TENM2: variants seen among roughly 807,000 people sequenced by gnomAD.
The protein encoded by TENM2 is teneurin transmembrane protein 2.
In TENM2, 52 loss-of-function variants were observed where a neutral mutation model predicts 245.2. That is an observed-to-expected ratio of 0.21 (90% confidence interval 0.17 to 0.27). The LOEUF (loss-of-function observed/expected upper bound fraction) is 0.27, where lower values mean the gene tolerates loss of function less well. TENM2 is among the 10% of genes least tolerant of loss of function. TENM2 has a pLI of 1.00. For synonymous variants in TENM2, 1,363 were observed against 1,438.9 expected, an observed-to-expected ratio of 0.95 and a Z score of 1.19; for missense variants, 3,046 against 3,666.8, an observed-to-expected ratio of 0.83 and a Z score of 4.37.
At chr5:168,228,842 A>G (rs982226633) in intron 25 of TENM2, among the ~76,000 whole-genome samples, 6 of 149,150 alleles carry the variant, frequency 4.0e-5, no homozygotes, top group African/African-American at 7.3e-5. Flanking sequence ...AAACCAATAT[A>G]TAACATTAAT....
In TENM2 at chr5:167,451,672, G is replaced by C. The variant is rs576743526; in HGVS notation, c.502+76199G>C. Among the ~76,000 whole-genome samples the C allele has an allele frequency of 1.1e-4, 16 of 151,314 alleles. No individual in the cohort carries two copies. The Middle Eastern group carries it at 0.01, about 97-fold the overall frequency. ...TGATTTTTTTTTTTTTTCTTGAGAC[G>C]GAGTCTCGCTCTGTCACCCAGGCTG... is the stretch of plus-strand genomic sequence containing the variant. On this transcript the variant is annotated intron_variant, in intron 2 of 28. Coordinates refer to ENST00000518659, the Ensembl canonical transcript of TENM2.
At chr5:167,217,337 A>G in the TENM2 span, among the ~76,000 whole-genome samples, 2 of 152,174 alleles carry the variant, frequency 1.3e-5, no homozygotes, top group African/African-American at 4.8e-5. Flanking sequence ...ATTATTATTA[A>G]AAAAAGAATT....
chr5:167,638,125 G>C (rs1203257182), intron 2 of TENM2, among the ~76,000 whole-genome samples: 1 of 149,762 alleles, frequency 6.7e-6, no homozygotes, highest in Non-Finnish European at 1.5e-5. Flanking sequence ...GTGTGTGTGT[G>C]TGTGTGTGTG....
chr5:167,220,702 A>T, the TENM2 span, among the ~76,000 whole-genome samples: 1 of 152,180 alleles, frequency 6.6e-6, no homozygotes, highest in African/African-American at 2.4e-5. Flanking sequence ...GGCAAATTAC[A>T]TCATCTCTTG....
At chr5:167,606,755 T>C (rs1777084229) in intron 2 of TENM2, among the ~76,000 whole-genome samples, 1 of 152,212 alleles carries the variant, frequency 6.6e-6, no homozygotes, top group African/African-American at 2.4e-5. Flanking sequence ...TAATTTTACT[T>C]AAAGCCTAAA....
rs190167311 is a variant in TENM2 at position 167,865,846 on chromosome 5, A to C, written c.503-10140A>C. Among the ~76,000 whole-genome samples, 14 of 152,300 alleles carry C rather than the reference A, an allele frequency of 9.2e-5. No homozygotes were observed. The East Asian group carries it at 2.7e-3, about 29-fold the overall frequency. ...CTTACACACTGAGAGAGACACCCAAAACCTAAGACAACAGCCATAGCAGCC... is the reference window on the plus strand; with the variant it reads ...CTTACACACTGAGAGAGACACCCAACACCTAAGACAACAGCCATAGCAGCC... On this transcript the variant is annotated intron_variant, in intron 2 of 28. Coordinates refer to ENST00000518659, the Ensembl canonical transcript of TENM2.
rs144300068 is a variant in TENM2, at chr5:167,383,026, C to G, written c.502+7553C>G. On this transcript the variant is annotated intron_variant, in intron 2 of 28. Coordinates refer to ENST00000518659, the Ensembl canonical transcript of TENM2. The stretch of plus-strand genomic sequence containing the variant: ...GTTGTGTTAATTTGGGGTGGGGGGA[C>G]TTATTTCTGAAAAGATTTCAAGTAA... Among the ~76,000 whole-genome samples the G allele has an allele frequency of 4.2e-3, 642 of 152,020 alleles. 6 individuals carry two copies. Among genetic ancestry groups the G allele is most frequent in the African/African-American group, 0.015 (618 of 41,466 alleles).
At chr5:166,990,988 TAAAAAA>T in the TENM2 span, among the ~76,000 whole-genome samples, 2 of 151,628 alleles carry the variant, frequency 1.3e-5, no homozygotes, top group South Asian at 4.2e-4. Flanking sequence ...TGCATGAAGT[TAAAAAA>T]GAAAGAAAGC....
chr5:167,240,790 C>T, the TENM2 span, among the ~76,000 whole-genome samples: 5 of 152,288 alleles, frequency 3.3e-5, no homozygotes, highest in Non-Finnish European at 7.4e-5. Flanking sequence ...TTCTTTTGTT[C>T]TTAGAACAAG....
At chr5:167,684,369 C>T (rs936076180) in intron 2 of TENM2, among the ~76,000 whole-genome samples, 4 of 152,168 alleles carry the variant, frequency 2.6e-5, no homozygotes, top group African/African-American at 7.2e-5. Flanking sequence ...ATTCTCTGTG[C>T]CTTCAGCATG....
At chr5:167,473,173 A>G (rs1767144822) in intron 2 of TENM2, among the ~76,000 whole-genome samples, 1 of 152,204 alleles carries the variant, frequency 6.6e-6, no homozygotes, top group Admixed American at 6.5e-5. Flanking sequence ...TTATGTACAT[A>G]CCTATGTAGG....
intron 25 of TENM2, among the ~76,000 whole-genome samples, chr5:168,243,066 T>A (rs1253367492): frequency 6.6e-6 from 1 of 152,176 alleles, no homozygotes; most frequent in Non-Finnish European, 1.5e-5. Context: ...ACCAGACATC[T>A]CTCGAGTCTC....
At chr5:167,602,192 G>C (rs551502834) in intron 2 of TENM2, among the ~76,000 whole-genome samples, 2 of 152,162 alleles carry the variant, frequency 1.3e-5, no homozygotes, top group East Asian at 3.9e-4. Flanking sequence ...GAATAATAGA[G>C]CGTTTTCAGA....
the TENM2 span, among the ~76,000 whole-genome samples, chr5:167,250,081 G>A: frequency 6.6e-6 from 1 of 152,166 alleles, no homozygotes; most frequent in African/African-American, 2.4e-5. Context: ...GCCACATGTG[G>A]CCATTAGCAC....
At chr5:167,559,426 A>G (rs1237647883) in intron 2 of TENM2, among the ~76,000 whole-genome samples, 2 of 152,202 alleles carry the variant, frequency 1.3e-5, no homozygotes, top group African/African-American at 4.8e-5. Flanking sequence ...AGAGGCCACA[A>G]CCATTAGTGG....
At chr5:168,020,740 A>C (rs1180462780) in intron 5 of TENM2, among the ~76,000 whole-genome samples, 1 of 151,936 alleles carries the variant, frequency 6.6e-6, no homozygotes, top group Non-Finnish European at 1.5e-5. Context: ...GTGTCTTTGG[A>C]CCCCTTCCAG....
chr5:167,750,473 T>A (rs948106082), intron 2 of TENM2, among the ~76,000 whole-genome samples: 1 of 152,092 alleles, frequency 6.6e-6, no homozygotes, highest in African/African-American at 2.4e-5. Context: ...TTGTGAGCCA[T>A]GTTATAAAGG....
At chr5:167,057,638 G>A in the TENM2 span, among the ~76,000 whole-genome samples, 189 of 152,278 alleles carry the variant, frequency 1.2e-3, no homozygotes, top group Non-Finnish European at 2.4e-3. Flanking sequence ...TGGAAGGCTA[G>A]AGAAAACTGG....
At chr5:168,040,637 C>T (rs1400106570) in intron 5 of TENM2, among the ~76,000 whole-genome samples, 1 of 152,164 alleles carries the variant, frequency 6.6e-6, no homozygotes, top group Non-Finnish European at 1.5e-5. Context: ...TTTTTAAACT[C>T]CTTTTAAGAC....
Sources: gnomAD v4.1 joint callset for allele counts (sites outside exome capture counted in the v4.1 genomes callset) on GRCh38, gnomAD v4.1.1 for gene constraint, MANE v1.5 for transcripts, NCBI Gene and HGNC (gene_info 2026-07-23, HGNC 2026-07-21) for gene names.